Variants in PAMR1 observed in about 807,000 individuals in gnomAD.
The protein encoded by PAMR1 is inactive serine protease PAMR1.
A neutral mutation model predicts 81.8 loss-of-function variants in PAMR1; 88 were observed. The observed-to-expected ratio is 1.08, with a 90% CI of 0.91 to 1.28. PAMR1 has a LOEUF of 1.28. PAMR1 is among the 50% of genes most tolerant of loss of function. The pLI, the probability that PAMR1 is intolerant of heterozygous loss-of-function variation, is 0.00. For missense variants in PAMR1, 935 were observed against 919.7 expected (o/e 1.02, Z -0.21); for synonymous variants, 336 against 345.3 (o/e 0.97, Z 0.30).
chr11:35,435,764 C>T (rs978830382), intron 9 of PAMR1, 139 bp downstream of exon 9: 4 of 642,628 alleles, frequency 6.2e-6, no homozygotes, highest in Admixed American at 2.8e-5. Flanking sequence ...AAAAAAAAAG[C>T]TCTAACTATG....
chr11:35,442,728 T>A (rs1404480380), intron 6 of PAMR1, among the ~76,000 whole-genome samples: 1 of 151,922 alleles, frequency 6.6e-6, no homozygotes, highest in Non-Finnish European at 1.5e-5. Flanking sequence ...CCTCCCACCT[T>A]AGGCTACTGA....
intron 3 of PAMR1, among the ~76,000 whole-genome samples, chr11:35,477,194 C>T (rs910545325): frequency 9.2e-5 from 14 of 152,144 alleles, no homozygotes; most frequent in African/African-American, 3.4e-4. Flanking sequence ...CACTTACTTG[C>T]CTACTCCCTT....
upstream of PAMR1, among the ~76,000 whole-genome samples, chr11:35,526,990 C>T (rs1851405661): frequency 6.6e-6 from 1 of 151,934 alleles, no homozygotes; most frequent in Non-Finnish European, 1.5e-5. Flanking sequence ...TTGATGAAGG[C>T]CTGGAGTAAG....
intron 6 of PAMR1, among the ~76,000 whole-genome samples, chr11:35,455,691 T>G (rs1162246488): frequency 6.6e-6 from 1 of 152,204 alleles, no homozygotes; most frequent in Admixed American, 6.5e-5. Context: ...TTATTAACTA[T>G]TGATTTGATT....
intron 6 of PAMR1, among the ~76,000 whole-genome samples, chr11:35,467,032 T>C (rs1856770185): frequency 1.3e-5 from 2 of 152,110 alleles, no homozygotes; most frequent in Non-Finnish European, 1.5e-5. Flanking sequence ...TAGAAAGCCA[T>C]ATGTGCCCAC....
At chr11:35,445,513 G>A (rs2210627) in intron 6 of PAMR1, among the ~76,000 whole-genome samples, 2 of 151,998 alleles carry the variant, frequency 1.3e-5, no homozygotes, top group Middle Eastern at 3.4e-3. Context: ...GTATGTTCCT[G>A]CTTTACCTAG....
intron 1 of PAMR1, among the ~76,000 whole-genome samples, chr11:35,522,082 C>A (rs1396099325): frequency 1.3e-5 from 2 of 152,018 alleles, no homozygotes; most frequent in African/African-American, 4.8e-5. Context: ...GCCACCACGC[C>A]CAGCTAATTT....
At chr11:35,469,863 A>AT (rs745889917) in intron 5 of PAMR1, among the ~76,000 whole-genome samples, 6 of 152,066 alleles carry the variant, frequency 3.9e-5, no homozygotes, top group Non-Finnish European at 7.4e-5. Flanking sequence ...ATGCAATCTG[A>AT]TCTCAGAACG....
Position 35,470,793 on chromosome 11 carries a change from C to A in PAMR1, c.520G>T (p.Asp174Tyr), listed in dbSNP as rs1856841556. 6.2e-7 allele frequency: 1 copy of A among 1,613,862 alleles called. No homozygotes were observed. The highest frequency in any genetic ancestry group is 8.5e-7 in the Non-Finnish European group (1 of 1,179,916). ...LRFVMLSLEF[D>Y]YMCQYDYVEV... ...ACATAGTCATACTGGCACATGTAGT[C>A]AAACTCCAGGCTCAACATGACAAAT... is the stretch of plus-strand genomic sequence containing the variant. Residue 174 changes from aspartate to tyrosine, a missense_variant, in exon 5 of 11, where the codon GAC becomes TAC. Physicochemically the swap from Asp to Tyr is radical, Grantham distance 160. Coordinates refer to ENST00000619888, the MANE Select transcript of PAMR1 (RefSeq NM_001001991.3).
intron 3 of PAMR1, among the ~76,000 whole-genome samples, chr11:35,481,519 T>C (rs1476340057): frequency 2.0e-5 from 3 of 151,940 alleles, no homozygotes; most frequent in African/African-American, 4.8e-5. Context: ...TTTGTTTGTT[T>C]GTTTGTTTGT....
intron 6 of PAMR1, among the ~76,000 whole-genome samples, chr11:35,445,191 G>C (rs184812651): frequency 2.0e-5 from 3 of 152,288 alleles, no homozygotes; most frequent in Non-Finnish European, 2.9e-5. Flanking sequence ...TATTGATTTT[G>C]TGTCCTGAGA....
At chr11:35,460,998 C>T (rs1009034380) in intron 6 of PAMR1, among the ~76,000 whole-genome samples, 7 of 152,254 alleles carry the variant, frequency 4.6e-5, no homozygotes, top group South Asian at 2.1e-4. Flanking sequence ...TTTTAATGAT[C>T]GCCATTCTAA....
intron 1 of PAMR1, among the ~76,000 whole-genome samples, chr11:35,522,673 C>T (rs1249191257): frequency 2.0e-5 from 3 of 152,126 alleles, no homozygotes; most frequent in African/African-American, 7.2e-5. Flanking sequence ...CTAATCAAGT[C>T]CCTGCTTTCA....
intron 5 of PAMR1, among the ~76,000 whole-genome samples, chr11:35,468,601 A>G (rs919765621): frequency 6.6e-6 from 1 of 152,204 alleles, no homozygotes; most frequent in African/African-American, 2.4e-5. Flanking sequence ...GTCCCTTGAG[A>G]TGTTGATGTG....
chr11:35,527,185 CA>C (rs1851408336), upstream of PAMR1, among the ~76,000 whole-genome samples: 1 of 152,170 alleles, frequency 6.6e-6, no homozygotes, highest in South Asian at 2.1e-4. Context: ...AGCAAGAACT[CA>C]GCAGGCCTGT....
intron 2 of PAMR1, among the ~76,000 whole-genome samples, chr11:35,492,671 A>G (rs1282651085): frequency 1.3e-5 from 2 of 152,216 alleles, no homozygotes; most frequent in Non-Finnish European, 2.9e-5. Flanking sequence ...TGAATTTCAT[A>G]ATAGACAGTA....
intron 1 of PAMR1, among the ~76,000 whole-genome samples, chr11:35,524,471 T>C (rs1338790146): frequency 6.6e-6 from 1 of 152,200 alleles, no homozygotes; most frequent in Non-Finnish European, 1.5e-5. Context: ...CCACCCGACC[T>C]GGCCTGTTTC....
At chr11:35,514,079 T>A (rs1851120032) in intron 1 of PAMR1, among the ~76,000 whole-genome samples, 1 of 150,858 alleles carries the variant, frequency 6.6e-6, no homozygotes, top group South Asian at 2.1e-4. Context: ...ATCCATGGAA[T>A]CTGCCCCTCC....
At chr11:35,450,270 C>T (rs1027136794) in intron 6 of PAMR1, among the ~76,000 whole-genome samples, 5 of 151,990 alleles carry the variant, frequency 3.3e-5, no homozygotes, top group Admixed American at 2.0e-4. Context: ...TTTGTCCACT[C>T]TAAGACCGTC....
Sources: gnomAD v4.1 joint callset for allele counts (sites outside exome capture counted in the v4.1 genomes callset) on GRCh38, gnomAD v4.1.1 for gene constraint, MANE v1.5 for transcripts, NCBI Gene and HGNC (gene_info 2026-07-23, HGNC 2026-07-21) for gene names.